ATP11C: variants seen among roughly 807,000 people sequenced by gnomAD.
ATP11C encodes the protein phospholipid-transporting ATPase IG.
A neutral mutation model predicts 97.4 loss-of-function variants in ATP11C; 36 were observed. That is an observed-to-expected ratio of 0.37 (90% CI 0.28 to 0.49). ATP11C has a LOEUF of 0.49. Among genes scored for constraint, ATP11C ranks in the 20% least tolerant of loss-of-function variants. The pLI is 0.98. For missense variants in ATP11C, 730 were observed against 824.6 expected (o/e 0.89, Z 1.40); for synonymous variants, 275 against 290.9 (o/e 0.95, Z 0.56).
At chrX:139,832,190 A>G (rs1191586364) in intron 1 of ATP11C, 1 of 1,205,682 alleles carries the variant, frequency 8.3e-7, no homozygotes, top group Non-Finnish European at 1.1e-6. Context: ...CCATCTGCAT[A>G]CTGACATGCA....
At chrX:139,870,918 C>T (rs1244248167) in intron 1 of ATP11C, among the ~76,000 whole-genome samples, 1 of 108,297 alleles carries the variant, frequency 9.2e-6, no homozygotes, top group Non-Finnish European at 1.9e-5. Flanking sequence ...TAGCCGGGCG[C>T]GGTGGCGGGC....
At chrX:139,806,751 C>T (rs2083052297) in intron 5 of ATP11C, among the ~76,000 whole-genome samples, 1 of 111,282 alleles carries the variant, frequency 9.0e-6, no homozygotes, top group South Asian at 3.8e-4. Context: ...CTCACTGGCA[C>T]GGGCATACAG....
chrX:139,865,488 G>A (rs748840820), intron 1 of ATP11C, among the ~76,000 whole-genome samples: 6 of 111,955 alleles, frequency 5.4e-5, no homozygotes, highest in Non-Finnish European at 7.5e-5. Flanking sequence ...CAGGCCAGGC[G>A]TGGTGGCTCA....
chrX:139,935,590 T>C (rs937257281), upstream of ATP11C, among the ~76,000 whole-genome samples: 2 of 111,161 alleles, frequency 1.8e-5, no homozygotes, highest in Admixed American at 9.6e-5. Flanking sequence ...AAAAAAGATA[T>C]AGCAGTATTG....
intron 22 of ATP11C, among the ~76,000 whole-genome samples, chrX:139,758,926 C>T (rs757199822): frequency 1.8e-5 from 2 of 112,037 alleles, no homozygotes; most frequent in Admixed American, 9.4e-5. Context: ...GAGGATATTT[C>T]GATCAATGTA....
intron 28 of ATP11C, among the ~76,000 whole-genome samples, chrX:139,731,963 T>C (rs749117607): frequency 8.9e-6 from 1 of 111,765 alleles, no homozygotes; most frequent in African/African-American, 3.2e-5. Flanking sequence ...ACTCGAATTG[T>C]TTTTGTGGTA....
chrX:139,826,565 A>G, intron 2 of ATP11C, 139 bp downstream of exon 2: 1 of 413,668 alleles, frequency 2.4e-6, no homozygotes. Flanking sequence ...AGGAATACTT[A>G]TTATAGCTGG....
intron 1 of ATP11C, among the ~76,000 whole-genome samples, chrX:139,911,021 G>C (rs1362054413): frequency 9.0e-6 from 1 of 111,068 alleles, no homozygotes; most frequent in Non-Finnish European, 1.9e-5. Context: ...AATGTTAAAA[G>C]TTTTAGAAAA....
intron 1 of ATP11C, among the ~76,000 whole-genome samples, chrX:139,847,528 T>A (rs1481231782): frequency 9.1e-6 from 1 of 109,794 alleles, no homozygotes; most frequent in African/African-American, 3.4e-5. Flanking sequence ...CAGTGAGACC[T>A]CATCTCTACA....
At position 139,887,565 on chromosome X, in the gene ATP11C, G is replaced by T. The variant is rs184572873; in HGVS notation, c.27+44451C>A. 1.3e-3 allele frequency among the ~76,000 whole-genome samples: 146 copies of T among 111,208 alleles called. 2 individuals are homozygous for T. Among genetic ancestry groups the T allele is most frequent in the East Asian group, 0.012 (43 of 3,518 alleles). On this transcript the variant is annotated intron_variant, in intron 1 of 29. Coordinates refer to ENST00000682941, the MANE Select transcript of ATP11C (RefSeq NM_001353812.2). Reference sequence around the variant, plus strand: ...ATTGCTTGAGTTCAGGAGGCCAGCAGTGAGCCATGATTGAACCAGTGCTCT... The same window carrying T: ...ATTGCTTGAGTTCAGGAGGCCAGCATTGAGCCATGATTGAACCAGTGCTCT...
At chrX:139,869,619 T>TA (rs72160192) in intron 1 of ATP11C, among the ~76,000 whole-genome samples, 201 of 54,175 alleles carry the variant, frequency 3.7e-3, no homozygotes, top group South Asian at 0.029. Flanking sequence ...CCCTCTCTAC[T>TA]AAAAAAAAAA....
At chrX:139,824,690 C>T (rs1366147280) in intron 2 of ATP11C, among the ~76,000 whole-genome samples, 1 of 110,638 alleles carries the variant, frequency 9.0e-6, no homozygotes, top group Non-Finnish European at 1.9e-5. Context: ...CTGTCTCCCC[C>T]CCACAAAAAA....
intron 29 of ATP11C, among the ~76,000 whole-genome samples, chrX:139,729,612 C>T (rs757404757): frequency 3.2e-4 from 36 of 111,621 alleles, no homozygotes; most frequent in South Asian, 1.5e-3. Context: ...AGAGAAACCA[C>T]GGATATTTCC....
At chrX:139,760,322 C>T (rs966787888) in intron 22 of ATP11C, among the ~76,000 whole-genome samples, 2 of 108,891 alleles carry the variant, frequency 1.8e-5, no homozygotes, top group South Asian at 7.5e-4. Flanking sequence ...TCATCATTTT[C>T]CTCCTCCACA....
At chrX:139,746,722 A>G (rs2081694457) in intron 24 of ATP11C, among the ~76,000 whole-genome samples, 1 of 111,724 alleles carries the variant, frequency 9.0e-6, no homozygotes, top group Non-Finnish European at 1.9e-5. Flanking sequence ...AAATAGCACA[A>G]CCTTCTCAGC....
chrX:139,761,246 G>A (rs1176380965), intron 22 of ATP11C, among the ~76,000 whole-genome samples: 1 of 111,435 alleles, frequency 9.0e-6, no homozygotes. Flanking sequence ...ACTCCAGCCT[G>A]AGCAACAGAG....
chrX:139,738,517 T>C (rs1402151658), intron 27 of ATP11C, among the ~76,000 whole-genome samples: 7 of 112,072 alleles, frequency 6.2e-5, no homozygotes, highest in African/African-American at 9.7e-5. Flanking sequence ...AAAAACACTA[T>C]GTAAATATAA....
intron 18 of ATP11C, among the ~76,000 whole-genome samples, chrX:139,782,221 G>A (rs78097488): frequency 0.049 from 5,359 of 108,803 alleles, 235 homozygotes; most frequent in East Asian, 0.29. Flanking sequence ...CAGCTACCCT[G>A]GAGGCTGGGG....
chrX:139,793,744 G>T (rs1972741043), intron 12 of ATP11C, among the ~76,000 whole-genome samples: 1 of 111,684 alleles, frequency 9.0e-6, no homozygotes, highest in African/African-American at 3.3e-5. Flanking sequence ...TATATACATG[G>T]TGACTGTCAC....
Sources: gnomAD v4.1 joint callset for allele counts (sites outside exome capture counted in the v4.1 genomes callset) on GRCh38, gnomAD v4.1.1 for gene constraint, MANE v1.5 for transcripts, NCBI Gene and HGNC (gene_info 2026-07-23, HGNC 2026-07-21) for gene names.